Variants in SLC26A3 observed in about 807,000 individuals in gnomAD.
SLC26A3 encodes the protein solute carrier family 26 member 3, also known as chloride anion exchanger.
In SLC26A3, 64 loss-of-function variants were observed where a neutral mutation model predicts 85.6. The ratio of observed to expected loss-of-function variants is 0.75; its 90% CI spans 0.61 to 0.92. SLC26A3 has a LOEUF of 0.92. Ranked by LOEUF, SLC26A3 falls within the 40% of genes least tolerant of loss-of-function variation. The pLI is 0.00. For missense variants in SLC26A3, 922 were observed against 927.3 expected (o/e 0.99, Z 0.07); for synonymous variants, 349 against 336.0 (o/e 1.04, Z -0.42).
At chr7:107,775,555 T>C (rs910151484) in intron 15 of SLC26A3, among the ~76,000 whole-genome samples, 1 of 151,912 alleles carries the variant, frequency 6.6e-6, no homozygotes, top group African/African-American at 2.4e-5. Flanking sequence ...CAAGCCCTCG[T>C]CTCTACAAAA....
At position 107,786,746 on chromosome 7, in the gene SLC26A3, A is replaced by C; in HGVS notation, c.971+81T>G. 3 of 1,158,110 alleles carry C rather than the reference A, an allele frequency of 2.6e-6. No homozygotes were observed. The South Asian group carries it at 3.7e-5, about 14-fold the overall frequency. The allele number at this position is 1,158,110 out of a possible 1,614,324, so 71.7% of individuals were successfully genotyped here. ...GAGGGTTACCTGCAGGCTGAACTGC[A>C]GTTCGGATTGTACCTCTCCTGTCAC... On this transcript the variant is annotated intron_variant, in intron 8 of 20. Coordinates refer to ENST00000340010, the MANE Select transcript of SLC26A3 (RefSeq NM_000111.3).
chr7:107,791,718 C>T (rs1213102717), intron 4 of SLC26A3, 112 bp downstream of exon 4: 6 of 747,596 alleles, frequency 8.0e-6, no homozygotes, highest in Non-Finnish European at 1.2e-5. Context: ...TCACAGGAGA[C>T]CATGACTCTT....
intron 8 of SLC26A3, among the ~76,000 whole-genome samples, chr7:107,784,273 T>A (rs898990260): frequency 7.2e-5 from 11 of 152,164 alleles, no homozygotes; most frequent in Admixed American, 3.9e-4. Context: ...GCTTGGAATG[T>A]TTTTGTTTTT....
intron 1 of SLC26A3, among the ~76,000 whole-genome samples, chr7:107,795,380 A>T (rs1057346114): frequency 6.6e-6 from 1 of 152,190 alleles, no homozygotes; most frequent in Non-Finnish European, 1.5e-5. Flanking sequence ...TTTTACACAA[A>T]ATGTTTAAGT....
chr7:107,766,562 G>C (rs1793918864), intron 20 of SLC26A3, among the ~76,000 whole-genome samples: 1 of 152,064 alleles, frequency 6.6e-6, no homozygotes, highest in Non-Finnish European at 1.5e-5. Flanking sequence ...CTTTTCATCT[G>C]ACCTTTGCTA....
Position 107,791,029 on chromosome 7 carries a change from T to C in SLC26A3, c.570+19A>G, listed in dbSNP as rs529811667. On this transcript the variant is annotated intron_variant, in intron 5 of 20. Coordinates refer to ENST00000340010, the MANE Select transcript of SLC26A3 (RefSeq NM_000111.3). ...GATGAACAGATTGAGGTGGGCAAGTTACATGAGAAGGTGCTCACCTGGATG... is the reference window on the plus strand; with the variant it reads ...GATGAACAGATTGAGGTGGGCAAGTCACATGAGAAGGTGCTCACCTGGATG... 7.9e-5 allele frequency: 128 copies of C among 1,612,312 alleles called. 4 individuals carry two copies. In the South Asian group the frequency reaches 1.3e-3, roughly 17 times the overall value.
Position 107,782,702 on chromosome 7 carries a change from C to T in SLC26A3, c.1311+95G>A, listed in dbSNP as rs990813891. On this transcript the variant is annotated intron_variant, in intron 11 of 20. Transcript: ENST00000340010. Reference sequence around the variant, plus strand: ...AGTACTTGAGAGTTTGTCATTACCTCATTTCCCCTAGTTTAGTTTGTGCTT... The same window carrying T: ...AGTACTTGAGAGTTTGTCATTACCTTATTTCCCCTAGTTTAGTTTGTGCTT... 6 of 1,140,976 alleles carry T rather than the reference C, an allele frequency of 5.3e-6. No individual in the cohort carries two copies. The African/African-American group carries it at 7.6e-5, about 14-fold the overall frequency. The allele number at this position is 1,140,976 out of a possible 1,614,324, so 70.7% of individuals were successfully genotyped here.
In SLC26A3 at chr7:107,791,455, T is replaced by A. The variant is rs1268825560; in HGVS notation, c.383-220A>T. On this transcript the variant is annotated intron_variant, in intron 4 of 20. Transcript: ENST00000340010. ...GGAGAAGCCTCGTCTCTACCAACAA[T>A]ACAAAAATTAGTCAGGCGTGATGGT... 2.6e-5 allele frequency among the ~76,000 whole-genome samples: 4 copies of A among 151,904 alleles called. No individual in the cohort carries two copies. The East Asian group carries it at 5.8e-4, about 22-fold the overall frequency.
intron 3 of SLC26A3, 76 bp from the exon 4 acceptor site, chr7:107,792,016 AT>A: frequency 2.3e-6 from 2 of 877,940 alleles, no homozygotes; most frequent in Non-Finnish European, 3.9e-6. Flanking sequence ...TTCTTATGGT[AT>A]TTAGAATTGG....
chr7:107,786,823 T>C lies in SLC26A3; in HGVS notation c.971+4A>G. On this transcript the variant is annotated splice_donor_region_variant and intron_variant, in intron 8 of 20. Transcript: ENST00000340010. Reference sequence around the variant, plus strand: ...GGTGATGCCATCATCGAAGACACACTTACCCAGGATTCATGTCCCCAACCA... The same window carrying C: ...GGTGATGCCATCATCGAAGACACACCTACCCAGGATTCATGTCCCCAACCA... 1 of 1,612,296 alleles carries C rather than the reference T, an allele frequency of 6.2e-7. No homozygotes were observed. Among genetic ancestry groups the C allele is most frequent in the Non-Finnish European group, 8.5e-7 (1 of 1,178,394 alleles).
In SLC26A3 at chr7:107,770,059, TTCTTTTTCTTTC is replaced by T. The variant is rs1186958595; in HGVS notation, c.2062+1983_2062+1994del. On this transcript the variant is annotated intron_variant, in intron 18 of 20. Transcript: ENST00000340010. ...CTTTCTTTCTTTCTTTCTCTTTTCT[TTCTTTTTCTTTC>T]TCTCTTTTTTCTTTCTTTCTTTCTT... Among the ~76,000 whole-genome samples the T allele has an allele frequency of 1.9e-3, 290 of 149,424 alleles. 3 individuals carry two copies. The highest frequency in any genetic ancestry group is 6.8e-3 in the African/African-American group (275 of 40,704).
At chr7:107,778,833 T>TA (rs895904429) in intron 12 of SLC26A3, among the ~76,000 whole-genome samples, 162 of 150,358 alleles carry the variant, frequency 1.1e-3, no homozygotes, top group African/African-American at 3.6e-3. Context: ...CTACAAAAAA[T>TA]AAAAAAAAAT....
intron 11 of SLC26A3, among the ~76,000 whole-genome samples, chr7:107,781,908 T>C (rs1794221261): frequency 6.6e-6 from 1 of 152,222 alleles, no homozygotes; most frequent in Non-Finnish European, 1.5e-5. Flanking sequence ...CAATAATGAC[T>C]ATCATTTATC....
chr7:107,790,838 C>A (rs755225993), intron 5 of SLC26A3, among the ~76,000 whole-genome samples: 1 of 152,116 alleles, frequency 6.6e-6, no homozygotes, highest in Non-Finnish European at 1.5e-5. Flanking sequence ...CTGTCTAGAC[C>A]CACATTCATT....
intron 8 of SLC26A3, 133 bp downstream of exon 8, chr7:107,786,694 G>T: frequency 1.3e-6 from 1 of 799,624 alleles, no homozygotes; most frequent in Non-Finnish European, 2.2e-6. Context: ...CTTCCTTAGG[G>T]ATGCAGGGTG....
At chr7:107,770,046 CTTTCTCT>C (rs1180763223) in intron 18 of SLC26A3, among the ~76,000 whole-genome samples, 3 of 110,934 alleles carry the variant, frequency 2.7e-5, no homozygotes, top group Admixed American at 9.5e-5. Flanking sequence ...TTCTTTCTTT[CTTTCTCT>C]TTTCTTTCTT....
chr7:107,793,888 A>G lies in SLC26A3; in HGVS notation c.132-7T>C. On this transcript the variant is annotated splice_region_variant and splice_polypyrimidine_tract_variant and intron_variant, in intron 2 of 20. Coordinates refer to ENST00000340010, the MANE Select transcript of SLC26A3 (RefSeq NM_000111.3). ...GGCCTTTTGTGGGGAACAGCTGAAA[A>G]CATGGAAAGCCACAGGTCAGTCAAT... is the stretch of plus-strand genomic sequence containing the variant. 8 of 1,614,050 alleles carry G rather than the reference A, an allele frequency of 5.0e-6. No homozygotes were observed. The highest frequency in any genetic ancestry group is 5.9e-6 in the Non-Finnish European group (7 of 1,179,960).
intron 1 of SLC26A3, among the ~76,000 whole-genome samples, chr7:107,801,977 A>T (rs1319151916): frequency 6.6e-6 from 1 of 151,372 alleles, no homozygotes; most frequent in Non-Finnish European, 1.5e-5. Flanking sequence ...CTGTAGTATC[A>T]GCTACTTGGG....
At chr7:107,782,726 T>G (rs1794231567) in intron 11 of SLC26A3, 71 bp downstream of exon 11, 2 of 1,410,762 alleles carry the variant, frequency 1.4e-6, no homozygotes, top group Non-Finnish European at 2.0e-6. Context: ...TAGTTTGTGC[T>G]TTCAGAATTT....
Sources: gnomAD v4.1 joint callset for allele counts (sites outside exome capture counted in the v4.1 genomes callset) on GRCh38, gnomAD v4.1.1 for gene constraint, MANE v1.5 for transcripts, NCBI Gene and HGNC (gene_info 2026-07-23, HGNC 2026-07-21) for gene names.